The following FYB2 variants were observed in gnomAD, a reference collection of about 807,000 sequenced individuals.
FYB2 encodes the protein FYN binding protein 2.
A neutral mutation model predicts 94.1 loss-of-function variants in FYB2; 103 were observed. That is an observed-to-expected ratio of 1.09 (90% CI 0.93 to 1.29). FYB2 has a LOEUF of 1.29. FYB2 is among the 50% of genes most tolerant of loss of function. The pLI is 0.00. For missense variants in FYB2, 896 were observed against 841.5 expected (o/e 1.06, Z -0.80); for synonymous variants, 293 against 287.9 (o/e 1.02, Z -0.18).
chr1:56,786,264 T>C (rs1315345641), intron 4 of FYB2, among the ~76,000 whole-genome samples: 2 of 152,222 alleles, frequency 1.3e-5, no homozygotes, highest in African/African-American at 2.4e-5. Flanking sequence ...CAGACTCATG[T>C]ATGCTATGAA....
intron 7 of FYB2, among the ~76,000 whole-genome samples, chr1:56,754,381 C>T (rs1184410960): frequency 1.3e-5 from 2 of 152,030 alleles, no homozygotes; most frequent in East Asian, 3.9e-4. Context: ...ATACAATGCC[C>T]TTCATGATAT....
Position 56,753,902 on chromosome 1 carries a change from T to G in FYB2, c.1164A>C (p.Lys388Asn). The change falls in exon 8 of 20, where the codon AAA becomes AAC. Residue 388 changes from lysine (K) to asparagine (N), a missense_variant. Physicochemically the swap from Lys to Asn is moderately conservative, Grantham distance 94 (BLOSUM62 0). Transcript: ENST00000343433. ...TTTTAGGTTTCAATTCACATGGTTG[T>G]TTTTCCTTCATTTTTTTATCTTCAT... is the stretch of plus-strand genomic sequence containing the variant. ...AKHEDKKMKE[K>N]QPCELKPKNT... is the part of the protein sequence containing the mutation. The G allele has an allele frequency of 6.2e-7, 1 of 1,611,044 alleles. No individual in the cohort carries two copies. The highest frequency in any genetic ancestry group is 1.7e-5 in the Admixed American group (1 of 59,822).
chr1:56,735,040 A>C (rs1275246716), intron 15 of FYB2, among the ~76,000 whole-genome samples: 1 of 152,130 alleles, frequency 6.6e-6, no homozygotes, highest in Non-Finnish European at 1.5e-5. Context: ...ACCTATGAAT[A>C]ACAGTATGGA....
Position 56,720,066 on chromosome 1 carries a change from CAA to C in FYB2, c.2132-13_2132-12del. 1 of 1,598,610 alleles carries C rather than the reference CAA, an allele frequency of 6.3e-7. No homozygotes were observed. ...TGAGCACATATCCATCTAATAGAAACAAAAGTCACCGTTAATTTGAAAGTTAT... is the reference window on the plus strand; with the variant it reads ...TGAGCACATATCCATCTAATAGAAACAAGTCACCGTTAATTTGAAAGTTAT... On this transcript the variant is annotated splice_polypyrimidine_tract_variant and intron_variant, in intron 18 of 19. Coordinates refer to ENST00000343433, the MANE Select transcript of FYB2 (RefSeq NM_001004303.5).
Position 56,792,108 on chromosome 1 carries a change from T to C in FYB2, c.705A>G (p.Ala235=). ...CATAGATGGGCTGGCAGGGGCTGCT[T>C]GCCGGGCTCCTCTCAGGAGGTGGGT... ...WENPPPERSP[A]SSPCQPIYEC... is the part of the protein sequence containing the mutation. Residue 235 remains alanine, a synonymous_variant, in exon 2 of 20, where the codon GCA becomes GCG. Coordinates refer to ENST00000343433, the MANE Select transcript of FYB2 (RefSeq NM_001004303.5). 6.2e-7 allele frequency: 1 copy of C among 1,610,888 alleles called. No homozygotes were observed. Among genetic ancestry groups the C allele is most frequent in the Non-Finnish European group, 8.5e-7 (1 of 1,178,936 alleles).
Position 56,719,608 on chromosome 1 carries a change from C to CAGG in FYB2, c.*60_*62dup. 1 of 1,412,102 alleles carries CAGG rather than the reference C, an allele frequency of 7.1e-7. No individual in the cohort carries two copies. The highest frequency in any genetic ancestry group is 9.7e-7 in the Non-Finnish European group (1 of 1,033,182). The allele number at this position is 1,412,102 out of a possible 1,614,324, so 87.5% of individuals were successfully genotyped here. A position where few individuals can be genotyped will look rare whatever the true frequency, so the allele number is the denominator to read the frequency against. ...CATGTAAACTGAAACTGATGTAACGCAGGACTAGGATCTTAGGACTAGTTC... is the reference window on the plus strand; with the variant it reads ...CATGTAAACTGAAACTGATGTAACGCAGGAGGACTAGGATCTTAGGACTAGTTC... On this transcript the variant is annotated 3_prime_UTR_variant, in exon 20 of 20. Transcript: ENST00000343433.
chr1:56,792,268 G>T lies in FYB2; in HGVS notation c.545C>A (p.Pro182His). The T allele has an allele frequency of 6.2e-7, 1 of 1,612,242 alleles. No homozygotes were observed. ...QKGMGLTPEE[P>H]RKKLETKGAQ... ...TCCTTTTGTTTCCAGCTTTTTCCTG[G>T]GTTCCTCTGGAGTAAGCCCCATGCC... Residue 182 changes from proline (P) to histidine (H), a missense_variant, in exon 2 of 20, where the codon CCC becomes CAC. By Grantham distance (77) the Pro-to-His change is moderately conservative. Coordinates refer to ENST00000343433, the MANE Select transcript of FYB2 (RefSeq NM_001004303.5).
At chr1:56,749,418 T>G (rs2100673746) in intron 9 of FYB2, among the ~76,000 whole-genome samples, 1 of 152,140 alleles carries the variant, frequency 6.6e-6, no homozygotes, top group South Asian at 2.1e-4. Flanking sequence ...GAATGAATTT[T>G]GGATAATTTC....
upstream of FYB2, chr1:56,824,406 G>A (rs1444736557): frequency 1.3e-5 from 2 of 152,154 alleles, no homozygotes; most frequent in African/African-American, 4.8e-5. Flanking sequence ...AATCTCTTAA[G>A]GTTCAACATA....
intron 1 of FYB2, among the ~76,000 whole-genome samples, chr1:56,801,256 C>T (rs1646512855): frequency 6.6e-6 from 1 of 152,134 alleles, no homozygotes; most frequent in African/African-American, 2.4e-5. Context: ...ATTCCTGGGT[C>T]AGGAAGTGGA....
intron 1 of FYB2, among the ~76,000 whole-genome samples, chr1:56,812,785 C>T (rs888837229): frequency 6.6e-6 from 1 of 152,182 alleles, no homozygotes; most frequent in Non-Finnish European, 1.5e-5. Flanking sequence ...AAAATAACAA[C>T]ATGATATAAA....
intron 15 of FYB2, among the ~76,000 whole-genome samples, chr1:56,731,421 C>G (rs1367935416): frequency 6.6e-6 from 1 of 152,090 alleles, no homozygotes; most frequent in Non-Finnish European, 1.5e-5. Flanking sequence ...CTCAAGCAAT[C>G]CTCCCACTTC....
chr1:56,791,007 G>A (rs560092902), intron 2 of FYB2, among the ~76,000 whole-genome samples: 3 of 152,060 alleles, frequency 2.0e-5, no homozygotes, highest in African/African-American at 4.8e-5. Context: ...CAGAGAGCTC[G>A]GGGAAGACAG....
chr1:56,784,718 A>G (rs1436800183), intron 4 of FYB2, among the ~76,000 whole-genome samples: 4 of 151,844 alleles, frequency 2.6e-5, no homozygotes, highest in Non-Finnish European at 5.9e-5. Context: ...AACATGTTCT[A>G]TCTCTATAAT....
At chr1:56,789,317 A>T (rs569822181) in intron 2 of FYB2, among the ~76,000 whole-genome samples, 183 bp from the exon 3 acceptor site, 35 of 152,176 alleles carry the variant, frequency 2.3e-4, no homozygotes, top group Non-Finnish European at 4.4e-4. Context: ...GGATTTCCTC[A>T]GCATGACATT....
intron 4 of FYB2, among the ~76,000 whole-genome samples, chr1:56,784,452 T>C (rs1646085006): frequency 6.6e-6 from 1 of 152,182 alleles, no homozygotes; most frequent in African/African-American, 2.4e-5. Flanking sequence ...TGATCATGGA[T>C]GATATTCTTC....
intron 1 of FYB2, 94 bp downstream of exon 1, chr1:56,819,188 C>G: frequency 6.4e-7 from 1 of 1,555,380 alleles, no homozygotes; most frequent in Non-Finnish European, 8.9e-7. Flanking sequence ...GCAGCACACA[C>G]AAGCAGTTTT....
chr1:56,808,245 A>G (rs1315232202), intron 1 of FYB2, among the ~76,000 whole-genome samples: 1 of 152,182 alleles, frequency 6.6e-6, no homozygotes, highest in African/African-American at 2.4e-5. Context: ...AAGACCAAAG[A>G]GCTAGTAAAT....
chr1:56,755,989 G>A, intron 6 of FYB2, 62 bp from the exon 7 acceptor site: 1 of 1,512,622 alleles, frequency 6.6e-7, no homozygotes, highest in Non-Finnish European at 9.2e-7. Flanking sequence ...TCTGTTGTTT[G>A]GTTACAGATC....
Sources: allele counts gnomAD v4.1 joint callset (sites outside exome capture counted in the v4.1 genomes callset), GRCh38; gene constraint gnomAD v4.1.1; transcripts MANE v1.5; gene names NCBI Gene and HGNC (gene_info 2026-07-23, HGNC 2026-07-21).